The following BCHE variants were observed in gnomAD, a reference collection of about 807,000 sequenced individuals.
BCHE encodes cholinesterase.
In BCHE, 48 loss-of-function variants were observed where a neutral mutation model predicts 51.3. The ratio of observed to expected loss-of-function variants is 0.94; its 90% CI spans 0.74 to 1.19. The LOEUF (loss-of-function observed/expected upper bound fraction) is 1.19, where lower values mean the gene tolerates loss of function less well. Among genes scored for constraint, BCHE ranks in the 50% most tolerant of loss-of-function variants. The probability of loss-of-function intolerance (pLI) is 0.00; values close to 1 mark genes in which losing one functional copy is unlikely to be tolerated. For synonymous variants in BCHE, 251 were observed against 238.0 expected, an observed-to-expected ratio of 1.05 and a Z score of -0.50; for missense variants, 847 against 708.2, an observed-to-expected ratio of 1.20 and a Z score of -2.23.
At chr3:165,775,592 C>G (rs1712439859) in intron 3 of BCHE, among the ~76,000 whole-genome samples, 1 of 151,304 alleles carries the variant, frequency 6.6e-6, no homozygotes, top group African/African-American at 2.4e-5. Flanking sequence ...GAATTTTAAT[C>G]CTTATAGAAA....
At position 165,830,600 on chromosome 3, in the gene BCHE, C is replaced by T; in HGVS notation, c.434G>A (p.Gly145Asp). The T allele has an allele frequency of 6.2e-7, 1 of 1,613,928 alleles. No homozygotes were observed. The highest frequency in any genetic ancestry group is 8.5e-7 in the Non-Finnish European group (1 of 1,179,934). The change falls in exon 2 of 4, where the codon GGT becomes GAT. Residue 145 changes from glycine to aspartate, a missense_variant. Transcript: ENST00000264381. ...TAAAGATGATGTTCCAGTTTGAAAA[C>T]CACCACCATAAATCCATATCAATAC... ...ATVLIWIYGG[G>D]FQTGTSSLHV...
intron 2 of BCHE, among the ~76,000 whole-genome samples, chr3:165,791,631 G>A (rs1312897497): frequency 6.6e-6 from 1 of 152,134 alleles, no homozygotes; most frequent in Non-Finnish European, 1.5e-5. Context: ...AGGAAAGACT[G>A]CAAGAAGAGC....
intron 2 of BCHE, among the ~76,000 whole-genome samples, chr3:165,807,516 A>G (rs574670068): frequency 8.2e-5 from 12 of 147,084 alleles, no homozygotes; most frequent in African/African-American, 2.6e-4. Context: ...TGTTATTATG[A>G]GATTTATTTA....
chr3:165,833,622 G>T (rs774614511), intron 1 of BCHE, among the ~76,000 whole-genome samples: 2 of 152,044 alleles, frequency 1.3e-5, no homozygotes, highest in African/African-American at 2.4e-5. Context: ...ATATAACAAT[G>T]ACTTAAAGTT....
At chr3:165,817,655 T>C (rs1378215973) in intron 2 of BCHE, among the ~76,000 whole-genome samples, 1 of 152,112 alleles carries the variant, frequency 6.6e-6, no homozygotes, top group Non-Finnish European at 1.5e-5. Context: ...AATAGAACTT[T>C]GTCAGAAGCT....
intron 3 of BCHE, 23 bp downstream of exon 3, chr3:165,786,122 C>G: frequency 1.2e-6 from 2 of 1,605,432 alleles, no homozygotes; most frequent in Non-Finnish European, 1.7e-6. Context: ...TATTAAATAA[C>G]CAAACACTAA....
intron 2 of BCHE, among the ~76,000 whole-genome samples, chr3:165,794,844 C>A (rs1713308793): frequency 6.6e-6 from 1 of 151,892 alleles, no homozygotes; most frequent in Non-Finnish European, 1.5e-5. Context: ...GAACAAATAT[C>A]ATTTATATAA....
chr3:165,782,889 T>A (rs1712763022), intron 3 of BCHE, among the ~76,000 whole-genome samples: 1 of 152,008 alleles, frequency 6.6e-6, no homozygotes, highest in South Asian at 2.1e-4. Flanking sequence ...TAATCCCTTT[T>A]AAACAGGCTT....
intron 2 of BCHE, among the ~76,000 whole-genome samples, chr3:165,792,428 G>T (rs1203408351): frequency 6.6e-6 from 1 of 152,094 alleles, no homozygotes; most frequent in Non-Finnish European, 1.5e-5. Flanking sequence ...AAAATAAAGT[G>T]CTTCCATGAG....
chr3:165,784,177 T>G (rs1012198551), intron 3 of BCHE, among the ~76,000 whole-genome samples: 92 of 152,048 alleles, frequency 6.1e-4, no homozygotes, highest in African/African-American at 2.2e-3. Flanking sequence ...TAACGCATTC[T>G]CAAAACATTA....
At position 165,830,726 on chromosome 3, in the gene BCHE, C is replaced by T. The variant is rs1387649993; in HGVS notation, c.308G>A (p.Gly103Asp). The T allele has an allele frequency of 6.2e-7, 1 of 1,613,932 alleles. No homozygotes were observed. Among genetic ancestry groups the T allele is most frequent in the South Asian group, 1.1e-5 (1 of 91,070 alleles). The change falls in exon 2 of 4, where the codon GGC (glycine) becomes GAC (aspartate). Residue 103 changes from glycine (G) to aspartate (D), a missense_variant. Physicochemically the swap from Gly to Asp is moderately conservative, Grantham distance 94. Coordinates refer to ENST00000264381, the MANE Select transcript of BCHE (RefSeq NM_000055.4). ...CCQNIDQSFP[G>D]FHGSEMWNPN... ...GTTCCACATCTCTGATCCATGGAAGCCTGGAAAACTTTGATCTATGTTCTG... is the reference window on the plus strand; with the variant it reads ...GTTCCACATCTCTGATCCATGGAAGTCTGGAAAACTTTGATCTATGTTCTG...
intron 2 of BCHE, among the ~76,000 whole-genome samples, chr3:165,823,116 G>C (rs1714590001): frequency 6.6e-6 from 1 of 152,134 alleles, no homozygotes; most frequent in African/African-American, 2.4e-5. Context: ...ATTCCAGTTA[G>C]CAAAGGCCTA....
At chr3:165,817,792 C>T (rs1372072773) in intron 2 of BCHE, among the ~76,000 whole-genome samples, 2 of 151,988 alleles carry the variant, frequency 1.3e-5, no homozygotes, top group Admixed American at 6.6e-5. Context: ...TCACATGCAT[C>T]AAGCATTATT....
Position 165,773,462 on chromosome 3 carries a change from G to A in BCHE, c.1729C>T (p.Arg577Cys), listed in dbSNP as rs751164424. Residue 577 changes from arginine (R) to cysteine (C), a missense_variant, in exon 4 of 4, where the codon CGC (arginine) becomes TGC (cysteine). Arg to Cys is a radical substitution (Grantham distance 180). Transcript: ENST00000264381. ...CAGTCCATCATGTAATTGTTCCAGCGATGGAATCCTGCTTTCCACTCCCAT... is the reference window on the plus strand; with the variant it reads ...CAGTCCATCATGTAATTGTTCCAGCAATGGAATCCTGCTTTCCACTCCCAT... ...AEWEWKAGFH[R>C]WNNYMMDWKN... 24 of 1,608,648 alleles carry A rather than the reference G, an allele frequency of 1.5e-5. No homozygotes were observed. The highest frequency in any genetic ancestry group is 5.4e-5 in the African/African-American group (4 of 74,744).
chr3:165,811,927 C>G (rs1004203940), intron 2 of BCHE, among the ~76,000 whole-genome samples: 3 of 151,958 alleles, frequency 2.0e-5, no homozygotes, highest in African/African-American at 7.2e-5. Context: ...GCATATCTAG[C>G]CTTTTGACTA....
rs374198965 is a variant in BCHE at position 165,830,688 on chromosome 3, G to A, written c.346C>T (p.Leu116Phe). 2 of 1,613,888 alleles carry A rather than the reference G, an allele frequency of 1.2e-6. No homozygotes were observed. Among genetic ancestry groups the A allele is most frequent in the African/African-American group, 2.7e-5 (2 of 74,906 alleles). Reference sequence around the variant, plus strand: ...TTTAGATATAAACAGTCTTCACTGAGGTCAGTGTTTGGGTTCCACATCTCT... The same window carrying A: ...TTTAGATATAAACAGTCTTCACTGAAGTCAGTGTTTGGGTTCCACATCTCT... The part of the protein sequence containing the change: ...GSEMWNPNTD[L>F]SEDCLYLNVW... Residue 116 changes from leucine to phenylalanine, a missense_variant, in exon 2 of 4, where the codon CTC becomes TTC. Transcript: ENST00000264381.
At chr3:165,789,219 T>G (rs1362526415) in intron 2 of BCHE, among the ~76,000 whole-genome samples, 1 of 152,126 alleles carries the variant, frequency 6.6e-6, no homozygotes, top group East Asian at 1.9e-4. Context: ...TATACCAAAA[T>G]GCTCTACAGA....
chr3:165,782,810 G>A (rs532668230), intron 3 of BCHE, among the ~76,000 whole-genome samples: 2 of 152,200 alleles, frequency 1.3e-5, no homozygotes, highest in African/African-American at 4.8e-5. Context: ...TTCATAGATG[G>A]CAGTCTCATT....
chr3:165,777,732 C>A lies in BCHE; in HGVS notation c.1685-4226G>T, dbSNP rs143881922. The A allele has an allele frequency of 2.7e-3, 1,186 of 442,192 alleles. 7 individuals are homozygous for A. The highest frequency in any genetic ancestry group is 0.02 in the African/African-American group (987 of 49,568). 27.4% of individuals were successfully genotyped at this position (442,192 alleles called of 1,614,324 possible). On this transcript the variant is annotated intron_variant, in intron 3 of 3. Transcript: ENST00000264381. Reference sequence around the variant, plus strand: ...GTCCACTTACATGTGGATTTTCTTCCACCTCTGTCAATCCAGAGACAGCGA... The same window carrying A: ...GTCCACTTACATGTGGATTTTCTTCAACCTCTGTCAATCCAGAGACAGCGA...
Sources: gnomAD v4.1 joint callset for allele counts (sites outside exome capture counted in the v4.1 genomes callset) on GRCh38, gnomAD v4.1.1 for gene constraint, MANE v1.5 for transcripts, NCBI Gene and HGNC (gene_info 2026-07-23, HGNC 2026-07-21) for gene names.